ATP10A: variants seen among roughly 807,000 people sequenced by gnomAD.
The protein encoded by ATP10A is ATPase phospholipid transporting 10A (putative), also known as phospholipid-transporting ATPase VA.
A neutral mutation model predicts 147.8 loss-of-function variants in ATP10A; 111 were observed. The observed-to-expected ratio is 0.75, with a 90% CI of 0.64 to 0.88. ATP10A has a LOEUF of 0.88. Ranked by LOEUF, ATP10A falls within the 40% of genes least tolerant of loss-of-function variation. The pLI is 0.00. For synonymous variants in ATP10A, 875 were observed against 841.6 expected (o/e 1.04, Z -0.69); for missense variants, 1,927 against 1,959.0 (o/e 0.98, Z 0.31).
rs1902396655 is a variant in ATP10A at position 25,723,929 on chromosome 15, C to T, written c.1072G>A (p.Ala358Thr). The change falls in exon 6 of 21, where the codon GCA (alanine) becomes ACA (threonine). Residue 358 changes from alanine to threonine, a missense_variant. Coordinates refer to ENST00000555815, the MANE Select transcript of ATP10A (RefSeq NM_024490.4). ...ATCATTGTTAAAAATGAGTAAACTGCAGCTGTGACTGGGGATAAGGAGCTT... is the reference window on the plus strand; with the variant it reads ...ATCATTGTTAAAAATGAGTAAACTGTAGCTGTGACTGGGGATAAGGAGCTT... ...DGSSLSPVTA[A>T]VYSFLTMIIV... 3 of 1,608,976 alleles carry T rather than the reference C, an allele frequency of 1.9e-6. No homozygotes were observed. Among genetic ancestry groups the T allele is most frequent in the Non-Finnish European group, 2.5e-6 (3 of 1,178,382 alleles).
At position 25,713,901 on chromosome 15, in the gene ATP10A, G is replaced by A. The variant is rs775035574; in HGVS notation, c.2117C>T (p.Ala706Val). 18 of 1,613,198 alleles carry A rather than the reference G, an allele frequency of 1.1e-5. No homozygotes were observed. The highest frequency in any genetic ancestry group is 8.9e-5 in the East Asian group (4 of 44,882). The change falls in exon 10 of 21, where the codon GCG (alanine) becomes GTG (valine). Residue 706 changes from alanine (A) to valine (V), a missense_variant. By Grantham distance (64) the Ala-to-Val change is moderately conservative (BLOSUM62 0). Coordinates refer to ENST00000555815, the MANE Select transcript of ATP10A (RefSeq NM_024490.4). ...AAGCACGCAGTTGTAGGCTCTGGCC[G>A]CATACACCAGTGCGGCCTCATCCGG... is the stretch of plus-strand genomic sequence containing the variant. ...ESPDEAALVY[A>V]ARAYNCVLVE...
At chr15:25,798,231 A>G (rs1425118260) in intron 1 of ATP10A, among the ~76,000 whole-genome samples, 1 of 152,094 alleles carries the variant, frequency 6.6e-6, no homozygotes, top group South Asian at 2.1e-4. Context: ...AAAACTCCAA[A>G]CAAGTCTCCT....
intron 1 of ATP10A, among the ~76,000 whole-genome samples, chr15:25,802,881 A>T (rs1480659609): frequency 6.6e-6 from 1 of 152,152 alleles, no homozygotes; most frequent in Non-Finnish European, 1.5e-5. Context: ...ATCAGTTCCG[A>T]GGATTCGGAT....
In ATP10A at chr15:25,702,528, T is replaced by G. The variant is rs140740914; in HGVS notation, c.2576-428A>C. Among the ~76,000 whole-genome samples the G allele has an allele frequency of 2.3e-3, 350 of 152,304 alleles. 3 individuals carry two copies. The highest frequency in any genetic ancestry group is 7.9e-3 in the African/African-American group (330 of 41,570). On this transcript the variant is annotated intron_variant, in intron 12 of 20. Coordinates refer to ENST00000555815, the MANE Select transcript of ATP10A (RefSeq NM_024490.4). Reference sequence around the variant, plus strand: ...AAAATTGCCCATCCCATAGAAAGCTTCTGGTGAATGAAATTCAGAATGTCC... The same window carrying G: ...AAAATTGCCCATCCCATAGAAAGCTGCTGGTGAATGAAATTCAGAATGTCC...
chr15:25,747,511 G>GA (rs1469403698), intron 2 of ATP10A, among the ~76,000 whole-genome samples: 1 of 151,386 alleles, frequency 6.6e-6, no homozygotes, highest in African/African-American at 2.4e-5. Flanking sequence ...ACAAATCTAG[G>GA]AAAAAAGTAT....
intron 10 of ATP10A, among the ~76,000 whole-genome samples, chr15:25,712,727 G>A (rs771048312): frequency 2.0e-5 from 3 of 152,076 alleles, no homozygotes; most frequent in Non-Finnish European, 4.4e-5. Context: ...TCGCCCCGCG[G>A]TGGTCATCAT....
chr15:25,805,984 C>A (rs1193411804), intron 1 of ATP10A, among the ~76,000 whole-genome samples: 2 of 152,180 alleles, frequency 1.3e-5, no homozygotes, highest in Non-Finnish European at 2.9e-5. Flanking sequence ...AAATTTTTAG[C>A]ACTTTTTATT....
At chr15:25,736,268 T>A in intron 2 of ATP10A, 127 bp from the exon 3 acceptor site, 1 of 729,490 alleles carries the variant, frequency 1.4e-6, no homozygotes. Context: ...TGCCTATGAA[T>A]CTCTCTGGAA....
chr15:25,781,177 C>T lies in ATP10A; in HGVS notation c.496G>A (p.Gly166Arg). The change falls in exon 2 of 21, where the codon GGA becomes AGA. Residue 166 changes from glycine (G) to arginine (R), a missense_variant. Coordinates refer to ENST00000555815, the MANE Select transcript of ATP10A (RefSeq NM_024490.4). Reference protein sequence around the residue: ...VNRFWKEIHVGDFVRLRCNEI... With the variant: ...VNRFWKEIHVRDFVRLRCNEI... ...TTGCAGCGAAGACGCACAAAGTCTC[C>T]CACGTGGATTTCTTTCCAGAATCGG... The T allele has an allele frequency of 6.2e-7, 1 of 1,614,166 alleles. No homozygotes were observed. Among genetic ancestry groups the T allele is most frequent in the Non-Finnish European group, 8.5e-7 (1 of 1,180,034 alleles).
chr15:25,760,797 G>T (rs929423022), intron 2 of ATP10A, among the ~76,000 whole-genome samples: 1 of 152,112 alleles, frequency 6.6e-6, no homozygotes, highest in Non-Finnish European at 1.5e-5. Flanking sequence ...AGTGAGCTAT[G>T]ATCGTGCCAC....
Position 25,718,394 on chromosome 15 carries a change from G to T in ATP10A, c.1369C>A (p.Arg457Ser), listed in dbSNP as rs768723706. 1.3e-6 allele frequency: 2 copies of T among 1,595,062 alleles called. No individual in the cohort carries two copies. Among genetic ancestry groups the T allele is most frequent in the African/African-American group, 1.3e-5 (1 of 74,758 alleles). Residue 457 changes from arginine (R) to serine (S), a missense_variant, in exon 8 of 21, where the codon CGT becomes AGT. Arg to Ser is a moderately radical substitution (Grantham distance 110, BLOSUM62 -1). Coordinates refer to ENST00000555815, the MANE Select transcript of ATP10A (RefSeq NM_024490.4). ...VEYSHDANAQRLARYQEADSE... is the reference protein window; with the variant it reads ...VEYSHDANAQSLARYQEADSE... Reference sequence around the variant, plus strand: ...TCTGCCTCTTGGTACCTGGCCAGACGCTGCGCTGCGGGGAGAGGGCGCAGG... The same window carrying T: ...TCTGCCTCTTGGTACCTGGCCAGACTCTGCGCTGCGGGGAGAGGGCGCAGG...
chr15:25,829,572 A>C (rs1892264653), intron 1 of ATP10A, among the ~76,000 whole-genome samples: 1 of 152,158 alleles, frequency 6.6e-6, no homozygotes, highest in Non-Finnish European at 1.5e-5. Context: ...GAAACATCTA[A>C]ATGCCCAAAT....
intron 2 of ATP10A, 91 bp from the exon 3 acceptor site, chr15:25,736,232 A>C (rs1388839750): frequency 2.9e-6 from 3 of 1,016,972 alleles, no homozygotes; most frequent in Middle Eastern, 3.0e-4. Context: ...CATCCGCGGC[A>C]GGCACATTTC....
rs755645687 is a variant in ATP10A at position 25,862,668 on chromosome 15, C to T, written c.429G>A (p.Leu143=). The change falls in exon 1 of 21, where the codon CTG becomes CTA. Residue 143 remains leucine, a synonymous_variant. Transcript: ENST00000555815. Reference sequence around the variant, plus strand: ...CTCACCTGCTGAAGACCAGGCAGCCCAGGTGGTTGATCTTGTGGTCGGAGC... The same window carrying T: ...CTCACCTGCTGAAGACCAGGCAGCCTAGGTGGTTGATCTTGTGGTCGGAGC... The part of the protein sequence containing the change: ...RHRSDHKINH[L]GCLVFSREEK... The T allele has an allele frequency of 1.3e-6, 2 of 1,595,178 alleles. No individual in the cohort carries two copies. Among genetic ancestry groups the T allele is most frequent in the South Asian group, 2.2e-5 (2 of 89,184 alleles).
chr15:25,836,483 C>T (rs1233088489), intron 1 of ATP10A, among the ~76,000 whole-genome samples: 1 of 152,170 alleles, frequency 6.6e-6, no homozygotes, highest in Non-Finnish European at 1.5e-5. Context: ...TTAAGGCTCA[C>T]GGTGCAGGCT....
chr15:25,782,249 T>C (rs1323349126), intron 1 of ATP10A, among the ~76,000 whole-genome samples: 4 of 152,162 alleles, frequency 2.6e-5, no homozygotes, highest in Non-Finnish European at 5.9e-5. Flanking sequence ...GCACCATCAG[T>C]GGCTGAGAGA....
At chr15:25,771,806 G>C (rs980098611) in intron 2 of ATP10A, among the ~76,000 whole-genome samples, 2 of 151,506 alleles carry the variant, frequency 1.3e-5, no homozygotes, top group Non-Finnish European at 2.9e-5. Flanking sequence ...CTGGAGTGCA[G>C]TGGCATGATC....
downstream of ATP10A, among the ~76,000 whole-genome samples, chr15:25,673,993 C>T (rs528559721): frequency 3.3e-5 from 5 of 152,290 alleles, no homozygotes; most frequent in East Asian, 3.9e-4. Context: ...GTTTGGGCCA[C>T]GGAGTGTGAT....
At chr15:25,673,788 C>T (rs190691465), downstream of ATP10A, among the ~76,000 whole-genome samples, 1 of 152,306 alleles carries the variant, frequency 6.6e-6, no homozygotes, top group Non-Finnish European at 1.5e-5. Context: ...CAATGCTTCT[C>T]TCTGGGAGTC....
Sources: allele counts gnomAD v4.1 joint callset (sites outside exome capture counted in the v4.1 genomes callset), GRCh38; gene constraint gnomAD v4.1.1; transcripts MANE v1.5; gene names NCBI Gene and HGNC (gene_info 2026-07-23, HGNC 2026-07-21).